Variants in LAMA1 observed in about 807,000 individuals in gnomAD.
The protein encoded by LAMA1 is laminin subunit alpha-1.
Under a neutral mutation model 348.7 loss-of-function variants are expected in LAMA1, and 219 were observed. The ratio of observed to expected loss-of-function variants is 0.63; its 90% CI spans 0.56 to 0.70. LAMA1 has a LOEUF of 0.70. LAMA1 is among the 30% of genes least tolerant of loss of function. The pLI, the probability that LAMA1 is intolerant of heterozygous loss-of-function variation, is 0.00. For synonymous variants in LAMA1, 1,487 were observed against 1,491.0 expected (o/e 1.00, Z 0.06); for missense variants, 3,744 against 3,888.0 (o/e 0.96, Z 0.99).
chr18:7,016,685 G>T lies in LAMA1; in HGVS notation c.2809-14C>A. 1.2e-6 allele frequency: 2 copies of T among 1,606,070 alleles called. No homozygotes were observed. The highest frequency in any genetic ancestry group is 1.1e-5 in the South Asian group (1 of 89,952). On this transcript the variant is annotated splice_polypyrimidine_tract_variant and intron_variant, in intron 20 of 62. Transcript: ENST00000389658. Reference sequence around the variant, plus strand: ...ATAATAGCCATGCTGTTTCACCAAAGGGGGAGAAAGTGGAAACCAACATAC... The same window carrying T: ...ATAATAGCCATGCTGTTTCACCAAATGGGGAGAAAGTGGAAACCAACATAC...
At chr18:7,040,272 G>T (rs1323739750) in intron 9 of LAMA1, 36 bp from the exon 10 acceptor site, 2 of 1,611,418 alleles carry the variant, frequency 1.2e-6, no homozygotes, top group South Asian at 1.1e-5. Context: ...CCAACATGAA[G>T]GCAAAAGAGG....
At chr18:6,990,317 T>C (rs796902129) in intron 36 of LAMA1, among the ~76,000 whole-genome samples, 1 of 152,148 alleles carries the variant, frequency 6.6e-6, no homozygotes, top group South Asian at 2.1e-4. Flanking sequence ...AATGAATGAA[T>C]GAATGAACTG....
chr18:7,096,057 G>A (rs2058259930), intron 1 of LAMA1, among the ~76,000 whole-genome samples: 1 of 152,208 alleles, frequency 6.6e-6, no homozygotes, highest in South Asian at 2.1e-4. Flanking sequence ...AACAGCGCGA[G>A]ACTCCGTCTC....
In LAMA1 at chr18:7,009,240, T is replaced by C; in HGVS notation, c.4000A>G (p.Arg1334Gly). ...CAAAATTCTAGAAGCTCCAAGTACC[T>C]GCTCTGCTGTAATCCTTGACCATAC... Reference protein sequence around the residue: ...ASYGQGLQQSRISDISMEVGR... With the variant: ...ASYGQGLQQSGISDISMEVGR... Residue 1334 changes from arginine to glycine, a missense_variant and splice_region_variant, in exon 27 of 63, where the codon AGA (arginine) becomes GGA (glycine). Physicochemically the swap from Arg to Gly is moderately radical, Grantham distance 125. Coordinates refer to ENST00000389658, the MANE Select transcript of LAMA1 (RefSeq NM_005559.4). The C allele has an allele frequency of 6.2e-7, 1 of 1,614,140 alleles. No homozygotes were observed. Among genetic ancestry groups the C allele is most frequent in the Non-Finnish European group, 8.5e-7 (1 of 1,180,006 alleles).
Position 7,095,927 on chromosome 18 carries a change from G to T in LAMA1, c.62-15470C>A, listed in dbSNP as rs568420567. Among the ~76,000 whole-genome samples the T allele has an allele frequency of 3.3e-5, 5 of 152,322 alleles. No individual in the cohort carries two copies. In the East Asian group the frequency reaches 9.7e-4, roughly 29 times the overall value. On this transcript the variant is annotated intron_variant, in intron 1 of 62. Transcript: ENST00000389658. ...ACTAAAAATACAAAAAATTCGCCAG[G>T]CGTGGTGGCAGGCGCCTGTAATTCC... is the stretch of plus-strand genomic sequence containing the variant.
At chr18:7,107,045 G>A (rs1457051502) in intron 1 of LAMA1, among the ~76,000 whole-genome samples, 2 of 151,614 alleles carry the variant, frequency 1.3e-5, no homozygotes, top group Non-Finnish European at 2.9e-5. Context: ...ATATGAGCAA[G>A]CAGAACGTAG....
At chr18:7,043,092 A>T (rs946812004) in intron 8 of LAMA1, 135 bp downstream of exon 8, 24 of 819,122 alleles carry the variant, frequency 2.9e-5, no homozygotes, top group Admixed American at 1.9e-4. Flanking sequence ...TATATATATA[A>T]AAACACTACT....
chr18:6,990,563 C>G (rs189629100), intron 36 of LAMA1, among the ~76,000 whole-genome samples: 2 of 152,154 alleles, frequency 1.3e-5, no homozygotes, highest in African/African-American at 4.8e-5. Context: ...CCTCAGTGTG[C>G]AGTCGGGGCT....
intron 61 of LAMA1, 107 bp from the exon 62 acceptor site, chr18:6,943,509 T>C: frequency 1.1e-6 from 1 of 906,942 alleles, no homozygotes; most frequent in Non-Finnish European, 1.8e-6. Context: ...AAAGGAGAGC[T>C]AACTAGGAGA....
In LAMA1 at chr18:7,002,360, T is replaced by C; in HGVS notation, c.4286A>G (p.Asp1429Gly). Residue 1429 changes from aspartate (D) to glycine (G), a missense_variant, in exon 30 of 63, where the codon GAC (aspartate) becomes GGC (glycine). Around this residue, in one of 3 missense-constraint regions of LAMA1, gnomAD observed 1,983 missense variants for 1,934.3 expected, o/e 1.03. Transcript: ENST00000389658. ...GCCAGAAGTACACACATCACAATGGTCACCTGCTGTGTTATCGCCACAGTT... is the reference window on the plus strand; with the variant it reads ...GCCAGAAGTACACACATCACAATGGCCACCTGCTGTGTTATCGCCACAGTT... ...CLNCGDNTAGDHCDVCTSGYY... is the reference protein window; with the variant it reads ...CLNCGDNTAGGHCDVCTSGYY... 1.2e-6 allele frequency: 2 copies of C among 1,613,782 alleles called. No individual in the cohort carries two copies. The highest frequency in any genetic ancestry group is 1.1e-5 in the South Asian group (1 of 91,082).
At chr18:6,963,649 A>C (rs1370117288) in intron 51 of LAMA1, among the ~76,000 whole-genome samples, 1 of 152,210 alleles carries the variant, frequency 6.6e-6, no homozygotes, top group African/African-American at 2.4e-5. Context: ...ACTGCTACAA[A>C]TGGACATTTG....
intron 17 of LAMA1, among the ~76,000 whole-genome samples, 189 bp from the exon 18 acceptor site, chr18:7,024,655 C>A (rs2057934345): frequency 6.6e-6 from 1 of 152,182 alleles, no homozygotes; most frequent in Middle Eastern, 3.2e-3. Flanking sequence ...CTCCTGGTCC[C>A]ATGATCCAGG....
intron 44 of LAMA1, 55 bp from the exon 45 acceptor site, chr18:6,976,135 C>T: frequency 6.4e-7 from 1 of 1,574,624 alleles, no homozygotes; most frequent in Non-Finnish European, 8.7e-7. Context: ...ACCGGCAGCT[C>T]ACCAGCAGCT....
chr18:7,081,128 C>T (rs2058191813), intron 1 of LAMA1, among the ~76,000 whole-genome samples: 1 of 151,770 alleles, frequency 6.6e-6, no homozygotes, highest in South Asian at 2.1e-4. Context: ...TGCACTCCAG[C>T]CTGGACAATA....
intron 57 of LAMA1, among the ~76,000 whole-genome samples, chr18:6,952,389 G>A (rs1360859188): frequency 6.6e-6 from 1 of 152,182 alleles, no homozygotes; most frequent in Non-Finnish European, 1.5e-5. Context: ...AACAGTCCCT[G>A]AGGAAAGGGC....
At chr18:6,973,384 T>G in intron 46 of LAMA1, among the ~76,000 whole-genome samples, 177 bp from the exon 47 acceptor site, 1 of 152,138 alleles carries the variant, frequency 6.6e-6, no homozygotes, top group Admixed American at 6.5e-5. Flanking sequence ...AGAGTGTCTC[T>G]TCCGAAACAG....
At chr18:7,043,202 A>C in intron 8 of LAMA1, 25 bp downstream of exon 8, 1 of 1,612,454 alleles carries the variant, frequency 6.2e-7, no homozygotes, top group African/African-American at 1.3e-5. Flanking sequence ...GATGAAGATC[A>C]GCAATGGCAA....
At chr18:7,104,318 G>A (rs1211885631) in intron 1 of LAMA1, among the ~76,000 whole-genome samples, 1 of 152,074 alleles carries the variant, frequency 6.6e-6, no homozygotes, top group Non-Finnish European at 1.5e-5. Context: ...GTCTGTATTG[G>A]GATTTGTTCA....
At position 7,050,796 on chromosome 18, in the gene LAMA1, A is replaced by G. The variant is rs2144202487; in HGVS notation, c.486T>C (p.Arg162=). The change falls in exon 4 of 63, where the codon CGT becomes CGC. Residue 162 remains arginine, a synonymous_variant. Transcript: ENST00000389658. ...GCCCTCGTCTTGGAGTTATATTGTA[A>G]CGAGACAAACACTCTGAGTCGCTGA... is the stretch of plus-strand genomic sequence containing the variant. ...YAVSDSECLS[R]YNITPRRGPP... is the part of the protein sequence containing the mutation. The G allele has an allele frequency of 6.2e-7, 1 of 1,614,146 alleles. No homozygotes were observed. The highest frequency in any genetic ancestry group is 2.2e-5 in the East Asian group (1 of 44,882).
Sources: gnomAD v4.1 joint callset for allele counts (sites outside exome capture counted in the v4.1 genomes callset) on GRCh38, gnomAD v4.1.1 for gene constraint, gnomAD v4.1.1 regional missense constraint, MANE v1.5 for transcripts, NCBI Gene and HGNC (gene_info 2026-07-23, HGNC 2026-07-21) for gene names.